ZMYM2: variants seen among roughly 807,000 people sequenced by gnomAD.
ZMYM2 encodes the protein zinc finger MYM-type protein 2.
In ZMYM2, 56 loss-of-function variants were observed where a neutral mutation model predicts 162.8. That is an observed-to-expected ratio of 0.34 (90% CI 0.28 to 0.43). ZMYM2 has a LOEUF of 0.43. Among genes scored for constraint, ZMYM2 ranks in the 20% least tolerant of loss-of-function variants. The pLI, the probability that ZMYM2 is intolerant of heterozygous loss-of-function variation, is 1.00. For missense variants in ZMYM2, 1,275 were observed against 1,621.8 expected (o/e 0.79, Z 3.67); for synonymous variants, 510 against 541.6 (o/e 0.94, Z 0.81).
the ZMYM2 span, among the ~76,000 whole-genome samples, chr13:19,891,132 G>C: frequency 6.6e-6 from 1 of 151,912 alleles, no homozygotes; most frequent in South Asian, 2.1e-4. Flanking sequence ...GCATAAGGAG[G>C]TAATTAAGGT....
intron 3 of ZMYM2, among the ~76,000 whole-genome samples, chr13:20,002,015 A>G (rs1465536753): frequency 6.6e-6 from 1 of 152,194 alleles, no homozygotes; most frequent in Non-Finnish European, 1.5e-5. Flanking sequence ...CTGGAGCTGA[A>G]CCAGAAATAT....
the ZMYM2 span, among the ~76,000 whole-genome samples, chr13:19,890,084 A>G: frequency 6.6e-6 from 1 of 151,942 alleles, no homozygotes; most frequent in African/African-American, 2.4e-5. Flanking sequence ...TTTGATTTAG[A>G]TATCCCTGTT....
chr13:20,006,277 C>A (rs891585617), intron 5 of ZMYM2, 97 bp from the exon 6 acceptor site: 1 of 1,257,546 alleles, frequency 8.0e-7, no homozygotes. Context: ...CCAAACAAGC[C>A]TTATTAGGAC....
chr13:19,924,324 G>T, the ZMYM2 span, among the ~76,000 whole-genome samples: 2 of 152,252 alleles, frequency 1.3e-5, no homozygotes, highest in South Asian at 4.2e-4. Context: ...CAGCACGTTG[G>T]GAGCTGAAGC....
intron 2 of ZMYM2, chr13:19,970,124 TTTG>T (rs1364031446): frequency 2.1e-6 from 2 of 945,604 alleles, no homozygotes; most frequent in Admixed American, 6.2e-5. Flanking sequence ...TTATGGAAAA[TTTG>T]TTATCAAAAA....
the ZMYM2 span, among the ~76,000 whole-genome samples, chr13:19,874,036 G>A: frequency 2.0e-4 from 30 of 152,156 alleles, no homozygotes; most frequent in Non-Finnish European, 4.3e-4. Context: ...TGGGTGGAGA[G>A]TGGGTGGAAC....
chr13:20,005,502 A>C (rs781701028), intron 5 of ZMYM2, among the ~76,000 whole-genome samples: 1 of 152,228 alleles, frequency 6.6e-6, no homozygotes, highest in East Asian at 1.9e-4. Context: ...GGTTGGGAAC[A>C]CTCACAGACA....
At chr13:20,018,833 A>C (rs1273601428) in intron 6 of ZMYM2, among the ~76,000 whole-genome samples, 1 of 152,214 alleles carries the variant, frequency 6.6e-6, no homozygotes, top group African/African-American at 2.4e-5. Context: ...TAATCGCAGC[A>C]CTTTGGGAGG....
At chr13:19,947,615 C>T in the ZMYM2 span, among the ~76,000 whole-genome samples, 1 of 151,990 alleles carries the variant, frequency 6.6e-6, no homozygotes, top group Non-Finnish European at 1.5e-5. Context: ...CACGCCACCA[C>T]GCCCAGCTAA....
chr13:20,027,435 A>T, intron 9 of ZMYM2, 117 bp downstream of exon 9: 1 of 764,998 alleles, frequency 1.3e-6, no homozygotes. Flanking sequence ...TGAGGGTCAA[A>T]TTGGAAGGTG....
At chr13:19,882,707 A>G in the ZMYM2 span, among the ~76,000 whole-genome samples, 1 of 152,148 alleles carries the variant, frequency 6.6e-6, no homozygotes, top group Admixed American at 6.6e-5. Flanking sequence ...TGATTGTACC[A>G]CTGCATTCCA....
chr13:20,083,693 T>G lies in ZMYM2; in HGVS notation c.3858T>G (p.Asp1286Glu). 6.4e-7 allele frequency: 1 copy of G among 1,572,158 alleles called. No homozygotes were observed. Among genetic ancestry groups the G allele is most frequent in the Non-Finnish European group, 8.7e-7 (1 of 1,153,456 alleles). ...CTGGAAAAAGAAAACATGAAGATGATGAGCCAGTATTTGAACAAATTGAAA... is the reference window on the plus strand; with the variant it reads ...CTGGAAAAAGAAAACATGAAGATGAGGAGCCAGTATTTGAACAAATTGAAA... ...ITTGKRKHEDDEPVFEQIENT... is the reference protein window; with the variant it reads ...ITTGKRKHEDEEPVFEQIENT... The change falls in exon 24 of 25, where the codon GAT becomes GAG. Residue 1286 changes from aspartate to glutamate, a missense_variant. Asp to Glu is a conservative substitution (Grantham distance 45). Coordinates refer to ENST00000610343, the MANE Select transcript of ZMYM2 (RefSeq NM_197968.4).
At position 20,019,602 on chromosome 13, in the gene ZMYM2, T is replaced by C; in HGVS notation, c.1568T>C (p.Phe523Ser). Residue 523 changes from phenylalanine (F) to serine (S), a missense_variant, in exon 7 of 25, where the codon TTC (phenylalanine) becomes TCC (serine). Physicochemically the swap from Phe to Ser is radical, Grantham distance 155. Around this residue, in one of 10 missense-constraint regions of ZMYM2, gnomAD observed 276 missense variants for 311.8 expected, o/e 0.89. Coordinates refer to ENST00000610343, the MANE Select transcript of ZMYM2 (RefSeq NM_197968.4). ...GTTCGAGATCACATGCAGGACTCTT[T>C]CTTAATGCAGCCTGAGGTAAGCAGG... ...KEVRDHMQDS[F>S]LMQPEKYGKL... The C allele has an allele frequency of 6.3e-7, 1 of 1,597,048 alleles. No individual in the cohort carries two copies. The highest frequency in any genetic ancestry group is 8.5e-7 in the Non-Finnish European group (1 of 1,171,190).
At chr13:19,905,519 T>C in the ZMYM2 span, among the ~76,000 whole-genome samples, 1 of 152,174 alleles carries the variant, frequency 6.6e-6, no homozygotes, top group South Asian at 2.1e-4. Context: ...CTCACTGCTC[T>C]TCCCCTGTCT....
chr13:20,084,038 C>G (rs1958081117), intron 24 of ZMYM2, among the ~76,000 whole-genome samples: 1 of 152,174 alleles, frequency 6.6e-6, no homozygotes, highest in African/African-American at 2.4e-5. Flanking sequence ...GAGATGGGGT[C>G]TTGCTCTCTC....
intron 21 of ZMYM2, among the ~76,000 whole-genome samples, chr13:20,074,140 T>C (rs2140961236): frequency 6.6e-6 from 1 of 152,198 alleles, no homozygotes; most frequent in African/African-American, 2.4e-5. Context: ...TCTGGCTTAT[T>C]TCATGTAGCA....
the ZMYM2 span, among the ~76,000 whole-genome samples, chr13:19,878,614 C>T: frequency 6.9e-6 from 1 of 145,390 alleles, no homozygotes; most frequent in African/African-American, 2.5e-5. Context: ...CTCTGCCTCC[C>T]GGGTTCAAGT....
chr13:19,917,913 GC>G, the ZMYM2 span, among the ~76,000 whole-genome samples: 21 of 152,066 alleles, frequency 1.4e-4, no homozygotes, highest in Non-Finnish European at 1.3e-4. Context: ...ACAAAGATTA[GC>G]TGGGCATGGT....
intron 4 of ZMYM2, among the ~76,000 whole-genome samples, chr13:20,003,352 T>C (rs1001053781): frequency 2.0e-5 from 3 of 152,234 alleles, no homozygotes; most frequent in African/African-American, 7.2e-5. Context: ...TCTTTGATTT[T>C]GTAACAATAC....
Sources: gnomAD v4.1 joint callset for allele counts (sites outside exome capture counted in the v4.1 genomes callset) on GRCh38, gnomAD v4.1.1 for gene constraint, gnomAD v4.1.1 regional missense constraint, MANE v1.5 for transcripts, NCBI Gene and HGNC (gene_info 2026-07-23, HGNC 2026-07-21) for gene names.